EVC2: variants seen among roughly 807,000 people sequenced by gnomAD.
The protein encoded by EVC2 is limbin.
A neutral mutation model predicts 149.3 loss-of-function variants in EVC2; 148 were observed. The observed-to-expected ratio is 0.99, with a 90% CI of 0.87 to 1.14. EVC2 has a LOEUF of 1.14. Among genes scored for constraint, EVC2 ranks in the 50% most tolerant of loss-of-function variants. EVC2 has a pLI of 0.00. For missense variants in EVC2, 1,854 were observed against 1,627.3 expected, an observed-to-expected ratio of 1.14 and a Z score of -2.40; for synonymous variants, 776 against 649.9, an observed-to-expected ratio of 1.19 and a Z score of -2.95.
At chr4:5,651,544 T>C (rs537760844) in intron 9 of EVC2, among the ~76,000 whole-genome samples, 6 of 152,108 alleles carry the variant, frequency 3.9e-5, no homozygotes, top group Non-Finnish European at 5.9e-5. Flanking sequence ...GGTAGGTAGA[T>C]AGAGAAATAA....
intron 20 of EVC2, among the ~76,000 whole-genome samples, chr4:5,565,672 CAAA>C (rs949664571): frequency 8.6e-5 from 7 of 81,738 alleles, no homozygotes; most frequent in Admixed American, 1.4e-4. Flanking sequence ...GACTCCATCT[CAAA>C]AAAAAAAAAA....
At position 5,608,268 on chromosome 4, in the gene EVC2, C is replaced by T. The variant is rs147609640; in HGVS notation, c.2829+7154G>A. ...AGTCCCAGCATACTCTGCAGCCCAA[C>T]GGTGAATTCAAAGTCCCTCTGGGGA... On this transcript the variant is annotated intron_variant, in intron 16 of 21. Coordinates refer to ENST00000344408, the MANE Select transcript of EVC2 (RefSeq NM_147127.5). Among the ~76,000 whole-genome samples the T allele has an allele frequency of 5.3e-5, 8 of 152,338 alleles. No homozygotes were observed. In the East Asian group the frequency reaches 5.8e-4, roughly 11 times the overall value.
chr4:5,620,212 T>C (rs1715589469), intron 14 of EVC2, among the ~76,000 whole-genome samples: 1 of 152,204 alleles, frequency 6.6e-6, no homozygotes, highest in African/African-American at 2.4e-5. Context: ...CCTTCCCTTG[T>C]GCAAGGCCTT....
intron 19 of EVC2, among the ~76,000 whole-genome samples, chr4:5,571,652 T>A (rs949889565): frequency 6.6e-6 from 1 of 152,112 alleles, no homozygotes; most frequent in African/African-American, 2.4e-5. Flanking sequence ...TCCCTGATGA[T>A]TCTTTTCTCT....
At position 5,622,496 on chromosome 4, in the gene EVC2, C is replaced by T. The variant is rs60896170; in HGVS notation, c.2501+41G>A. On this transcript the variant is annotated intron_variant, in intron 14 of 21. Coordinates refer to ENST00000344408, the MANE Select transcript of EVC2 (RefSeq NM_147127.5). The surrounding 1 kb of genome is among the most constrained non-coding windows in gnomAD (Gnocchi z 5.8). Reference sequence around the variant, plus strand: ...AGGGCAGGAATCTCCCTGGCATCAACGGGATGGGGAGGGGTGATTACGACC... The same window carrying T: ...AGGGCAGGAATCTCCCTGGCATCAATGGGATGGGGAGGGGTGATTACGACC... 70,730 of 1,598,712 alleles carry T rather than the reference C, an allele frequency of 0.044. 3,491 individuals carry two copies. Among genetic ancestry groups the T allele is most frequent in the African/African-American group, 0.25 (18,547 of 74,392 alleles).
chr4:5,542,541 C>T (rs1560115070), downstream of EVC2, among the ~76,000 whole-genome samples: 1 of 152,198 alleles, frequency 6.6e-6, no homozygotes, highest in African/African-American at 2.4e-5. Context: ...GGGGCCACAA[C>T]TCACCCTTGT....
At position 5,577,819 on chromosome 4, in the gene EVC2, T is replaced by A. The variant is rs147820031; in HGVS notation, c.3058-1365A>T. Among the ~76,000 whole-genome samples, 546 of 152,198 alleles carry A rather than the reference T, an allele frequency of 3.6e-3. 5 individuals carry two copies. The highest frequency in any genetic ancestry group is 0.01 in the Middle Eastern group (3 of 292). On this transcript the variant is annotated intron_variant, in intron 17 of 21. Transcript: ENST00000344408. ...TATGACCATCCCTCTCGCTGCAGCA[T>A]CCCACAAGGAAACACAGCCCAGTGG... is the stretch of plus-strand genomic sequence containing the variant.
At chr4:5,683,295 C>A (rs1337671494) in intron 6 of EVC2, among the ~76,000 whole-genome samples, 1 of 152,222 alleles carries the variant, frequency 6.6e-6, no homozygotes, top group Non-Finnish European at 1.5e-5. Flanking sequence ...AGGCTAAGTT[C>A]AGAGCCCACA....
At chr4:5,663,268 A>C in intron 8 of EVC2, 22 bp from the exon 9 acceptor site, 2 of 1,613,694 alleles carry the variant, frequency 1.2e-6, no homozygotes, top group Non-Finnish European at 1.7e-6. Context: ...TTGCGGAAAT[A>C]ATAATTGATT....
chr4:5,692,681 C>A (rs558337789), intron 3 of EVC2, among the ~76,000 whole-genome samples: 1 of 150,920 alleles, frequency 6.6e-6, no homozygotes, highest in African/African-American at 2.4e-5. Context: ...TCCTGGCTAA[C>A]AAGGTGAAAC....
chr4:5,704,951 C>T, intron 1 of EVC2, among the ~76,000 whole-genome samples: 1 of 152,084 alleles, frequency 6.6e-6, no homozygotes, highest in Admixed American at 6.6e-5. Flanking sequence ...CTCAAGCGAT[C>T]CTCCTGACTT....
chr4:5,623,057 C>G, intron 13 of EVC2, 66 bp from the exon 14 acceptor site: 1 of 1,438,834 alleles, frequency 7.0e-7, no homozygotes, highest in Non-Finnish European at 9.6e-7. Flanking sequence ...TTGGCTGAAA[C>G]ACTTTGTTGC....
chr4:5,568,528 A>C lies in EVC2; in HGVS notation c.3473T>G (p.Leu1158Arg). The change falls in exon 20 of 22, where the codon CTG (leucine) becomes CGG (arginine). Residue 1158 changes from leucine to arginine, a missense_variant. By Grantham distance (102) the Leu-to-Arg change is moderately radical. Coordinates refer to ENST00000344408, the MANE Select transcript of EVC2 (RefSeq NM_147127.5). ...ATGTCTCTCGGTGGCCGAATCCAGC[A>C]GGGCCAGCAGCTGAGGCTGTGAGGC... ...PTASQPQLLA[L>R]LDSATERHVD... 6.3e-7 allele frequency: 1 copy of C among 1,587,108 alleles called. No homozygotes were observed. Among genetic ancestry groups the C allele is most frequent in the Middle Eastern group, 2.1e-4 (1 of 4,694 alleles).
chr4:5,553,674 T>C (rs1452829348), intron 21 of EVC2, among the ~76,000 whole-genome samples: 1 of 152,206 alleles, frequency 6.6e-6, no homozygotes, highest in Non-Finnish European at 1.5e-5. Context: ...GTCAATATAC[T>C]AAAGTGTTCA....
chr4:5,681,969 C>T (rs1720376873), intron 6 of EVC2, among the ~76,000 whole-genome samples: 1 of 152,122 alleles, frequency 6.6e-6, no homozygotes, highest in Non-Finnish European at 1.5e-5. Flanking sequence ...CATACAGGGC[C>T]CCACTGCTCA....
chr4:5,699,611 G>C (rs1721696008), intron 1 of EVC2, among the ~76,000 whole-genome samples: 1 of 121,218 alleles, frequency 8.2e-6, no homozygotes, highest in African/African-American at 3.2e-5. Flanking sequence ...TGCAGCCTTG[G>C]AAAGGACAAC....
At chr4:5,697,819 T>C (rs1488349047) in intron 1 of EVC2, among the ~76,000 whole-genome samples, 172 bp from the exon 2 acceptor site, 1 of 151,732 alleles carries the variant, frequency 6.6e-6, no homozygotes, top group African/African-American at 2.4e-5. Flanking sequence ...GATCTCGACT[T>C]ACTACAAGCT....
At chr4:5,663,050 C>G in intron 9 of EVC2, 57 bp downstream of exon 9, 2 of 1,608,764 alleles carry the variant, frequency 1.2e-6, no homozygotes, top group Non-Finnish European at 8.5e-7. Context: ...CCTTATGTCA[C>G]TGTCGTTAAA....
chr4:5,538,158 A>G (rs149890146), downstream of EVC2, among the ~76,000 whole-genome samples: 1 of 152,048 alleles, frequency 6.6e-6, no homozygotes, highest in African/African-American at 2.4e-5. Context: ...AACTGGTATC[A>G]CTATAGATTC....
Sources: allele counts gnomAD v4.1 joint callset (sites outside exome capture counted in the v4.1 genomes callset), GRCh38; gene constraint gnomAD v4.1.1; non-coding constraint Gnocchi (gnomAD v3.1); transcripts MANE v1.5; gene names NCBI Gene and HGNC (gene_info 2026-07-23, HGNC 2026-07-21).